Variants in ZNF385D observed in about 807,000 individuals in gnomAD.
ZNF385D encodes zinc finger protein 659.
A neutral mutation model predicts 35.8 loss-of-function variants in ZNF385D; 15 were observed. The ratio of observed to expected loss-of-function variants is 0.42; its 90% CI spans 0.28 to 0.64. ZNF385D has a LOEUF of 0.64. Ranked by LOEUF, ZNF385D falls within the 30% of genes least tolerant of loss-of-function variation. ZNF385D has a pLI of 0.23. For missense variants in ZNF385D, 474 were observed against 494.6 expected, an observed-to-expected ratio of 0.96 and a Z score of 0.39; for synonymous variants, 212 against 186.8, an observed-to-expected ratio of 1.13 and a Z score of -1.10.
intron 2 of ZNF385D, among the ~76,000 whole-genome samples, chr3:22,304,770 C>G (rs1455908228): frequency 6.6e-6 from 1 of 152,150 alleles, no homozygotes; most frequent in Non-Finnish European, 1.5e-5. Context: ...TTCACACAAT[C>G]AGGCATATAA....
Position 22,104,069 on chromosome 3 carries a change from C to T in ZNF385D, c.325+64748G>A, listed in dbSNP as rs77819025. ...TTTGCCAGCCTTGGGGAGTGAGGGACGTATGTGAGAACTTGTTATCTTTTC... is the reference window on the plus strand; with the variant it reads ...TTTGCCAGCCTTGGGGAGTGAGGGATGTATGTGAGAACTTGTTATCTTTTC... On this transcript the variant is annotated intron_variant, in intron 3 of 5. Transcript: ENST00000494108. Among the ~76,000 whole-genome samples the T allele has an allele frequency of 3.3e-5, 5 of 152,072 alleles. No individual in the cohort carries two copies. In the East Asian group the frequency reaches 5.8e-4, roughly 18 times the overall value.
chr3:22,187,978 A>C (rs1695752261), intron 2 of ZNF385D, among the ~76,000 whole-genome samples: 1 of 151,790 alleles, frequency 6.6e-6, no homozygotes, highest in Admixed American at 6.6e-5. Flanking sequence ...CATGTCATTA[A>C]GTAAGTGGGT....
chr3:22,003,454 T>A (rs569611279), intron 3 of ZNF385D, among the ~76,000 whole-genome samples: 1 of 152,326 alleles, frequency 6.6e-6, no homozygotes, highest in South Asian at 2.1e-4. Flanking sequence ...AGACATCTTA[T>A]GCTCATGGAT....
intron 2 of ZNF385D, among the ~76,000 whole-genome samples, chr3:21,616,445 C>T (rs1467499268): frequency 6.6e-6 from 1 of 152,168 alleles, no homozygotes; most frequent in Non-Finnish European, 1.5e-5. Context: ...ATGAGAAAAT[C>T]AATTTCCTTG....
At chr3:21,806,175 C>T (rs1276233805) in intron 3 of ZNF385D, among the ~76,000 whole-genome samples, 4 of 151,468 alleles carry the variant, frequency 2.6e-5, no homozygotes, top group Non-Finnish European at 5.9e-5. Context: ...CTTCTGCATT[C>T]CTTCTTTCCT....
chr3:22,188,623 G>C (rs1395172427), intron 2 of ZNF385D, among the ~76,000 whole-genome samples: 1 of 151,832 alleles, frequency 6.6e-6, no homozygotes, highest in African/African-American at 2.4e-5. Context: ...CTAATTTTTT[G>C]TATTTTTTAG....
chr3:21,870,404 A>G (rs2125845541), intron 3 of ZNF385D, among the ~76,000 whole-genome samples: 1 of 152,308 alleles, frequency 6.6e-6, no homozygotes, highest in South Asian at 2.1e-4. Context: ...GATTCCAGAC[A>G]TGGATGCTCT....
intron 3 of ZNF385D, among the ~76,000 whole-genome samples, chr3:22,017,990 A>G (rs1696991200): frequency 6.6e-6 from 1 of 151,888 alleles, no homozygotes; most frequent in South Asian, 2.1e-4. Context: ...ATATCTTCAT[A>G]TTCACTTAAT....
intron 3 of ZNF385D, among the ~76,000 whole-genome samples, chr3:22,163,332 C>T (rs1253892119): frequency 3.3e-5 from 5 of 152,212 alleles, no homozygotes; most frequent in East Asian, 3.9e-4. Context: ...TTCTGCATAA[C>T]GTACATCGCC....
chr3:21,840,854 A>G (rs1483877465), intron 3 of ZNF385D, among the ~76,000 whole-genome samples: 1 of 152,022 alleles, frequency 6.6e-6, no homozygotes, highest in Non-Finnish European at 1.5e-5. Flanking sequence ...GAGGAGATCA[A>G]TCATCCCTGG....
chr3:21,628,416 G>A (rs1481840094), intron 2 of ZNF385D, among the ~76,000 whole-genome samples: 1 of 152,004 alleles, frequency 6.6e-6, no homozygotes, highest in African/African-American at 2.4e-5. Flanking sequence ...CTAACTGATT[G>A]TGTTACCTTA....
rs146835674 is a variant in ZNF385D at position 22,187,167 on chromosome 3, C to G, written c.107-18132G>C. 6.6e-5 allele frequency among the ~76,000 whole-genome samples: 10 copies of G among 152,282 alleles called. No individual in the cohort carries two copies. In the East Asian group the frequency reaches 1.9e-3, roughly 29 times the overall value. ...TCAAAAATTTCGTGGCCATTCTTCA[C>G]TAATATTTCTTTGTTTCTTTGTTCA... On this transcript the variant is annotated intron_variant, in intron 2 of 5. Coordinates refer to the ZNF385D transcript ENST00000494108.
intron 2 of ZNF385D, among the ~76,000 whole-genome samples, chr3:21,652,875 C>G (rs768208985): frequency 4.6e-5 from 7 of 152,232 alleles, no homozygotes; most frequent in Non-Finnish European, 1.0e-4. Flanking sequence ...CAATGTTGAT[C>G]ACCTGAGTAT....
intron 3 of ZNF385D, among the ~76,000 whole-genome samples, chr3:21,821,008 G>A (rs1191798850): frequency 1.3e-5 from 2 of 151,942 alleles, no homozygotes; most frequent in East Asian, 3.9e-4. Flanking sequence ...CAATAATCCT[G>A]CAAGAATACA....
chr3:22,049,312 T>A (rs1465939855), intron 3 of ZNF385D, among the ~76,000 whole-genome samples: 1 of 151,216 alleles, frequency 6.6e-6, no homozygotes, highest in Non-Finnish European at 1.5e-5. Flanking sequence ...TAAAATAAAA[T>A]AAAATAAAAT....
chr3:22,232,881 T>C (rs530471155), intron 2 of ZNF385D, among the ~76,000 whole-genome samples: 50 of 152,344 alleles, frequency 3.3e-4, no homozygotes, highest in Middle Eastern at 3.4e-3. Flanking sequence ...ATTGTTTACA[T>C]CCTGAAGATT....
At chr3:22,233,630 T>A (rs1699018221) in intron 2 of ZNF385D, among the ~76,000 whole-genome samples, 1 of 152,008 alleles carries the variant, frequency 6.6e-6, no homozygotes, top group African/African-American at 2.4e-5. Flanking sequence ...TCCAACTACA[T>A]CATAACCCCC....
intron 2 of ZNF385D, among the ~76,000 whole-genome samples, chr3:22,244,915 G>A (rs992621005): frequency 6.6e-6 from 1 of 151,910 alleles, no homozygotes; most frequent in African/African-American, 2.4e-5. Flanking sequence ...CTCAATGCCA[G>A]CTGTGATTTC....
intron 4 of ZNF385D, among the ~76,000 whole-genome samples, chr3:21,438,934 A>T (rs1701714376): frequency 6.6e-6 from 1 of 152,100 alleles, no homozygotes; most frequent in Non-Finnish European, 1.5e-5. Flanking sequence ...TAACTGCCAA[A>T]AATATATCTT....
Sources: gnomAD v4.1 joint callset for allele counts (sites outside exome capture counted in the v4.1 genomes callset) on GRCh38, gnomAD v4.1.1 for gene constraint, MANE v1.5 for transcripts, NCBI Gene and HGNC (gene_info 2026-07-23, HGNC 2026-07-21) for gene names.